Variants in TMEM232 observed in about 807,000 individuals in gnomAD.
TMEM232 encodes the protein transmembrane protein 232.
A neutral mutation model predicts 78.8 loss-of-function variants in TMEM232; 80 were observed. That is an observed-to-expected ratio of 1.01 (90% CI 0.85 to 1.22). TMEM232 has a LOEUF of 1.22. Among genes scored for constraint, TMEM232 ranks in the 50% most tolerant of loss-of-function variants. TMEM232 has a pLI of 0.00. For synonymous variants in TMEM232, 297 were observed against 254.3 expected (o/e 1.17, Z -1.60); for missense variants, 881 against 742.2 (o/e 1.19, Z -2.17).
At chr5:110,423,119 G>A (rs1756851463) in intron 13 of TMEM232, among the ~76,000 whole-genome samples, 1 of 152,094 alleles carries the variant, frequency 6.6e-6, no homozygotes, top group Admixed American at 6.5e-5. Flanking sequence ...TGTAGCTGAG[G>A]GGATGTGTTT....
In TMEM232 at chr5:110,568,543, T is replaced by C; in HGVS notation, c.1359A>G (p.Glu453=). 1 of 1,549,866 alleles carries C rather than the reference T, an allele frequency of 6.5e-7. No individual in the cohort carries two copies. The highest frequency in any genetic ancestry group is 1.7e-4 in the Middle Eastern group (1 of 5,974). The change falls in exon 11 of 14, where the codon GAA becomes GAG. Residue 453 remains glutamate, a synonymous_variant. Coordinates refer to ENST00000455884, the MANE Select transcript of TMEM232 (RefSeq NM_001039763.4). ...KISWELQGDE[E]QDGLRNMIWQ... ...ATATCATGTTTCTAAGTCCATCCTG[T>C]TCTTCGTCTCCTTGAAGTTCCCATG... is the stretch of plus-strand genomic sequence containing the variant.
intron 10 of TMEM232, among the ~76,000 whole-genome samples, chr5:110,584,171 T>C (rs1322778135): frequency 3.3e-5 from 5 of 151,958 alleles, no homozygotes; most frequent in Admixed American, 3.3e-4. Flanking sequence ...GGAATTAAAA[T>C]CAGGATCTCA....
At chr5:110,542,607 G>A (rs540232597) in intron 11 of TMEM232, among the ~76,000 whole-genome samples, 2 of 152,076 alleles carry the variant, frequency 1.3e-5, no homozygotes, top group South Asian at 2.1e-4. Flanking sequence ...AAAGACCATC[G>A]GTCCTTCTGC....
Position 110,433,477 on chromosome 5 carries a change from C to T in TMEM232, c.1704-8561G>A, listed in dbSNP as rs1474279340. On this transcript the variant is annotated intron_variant, in intron 12 of 13. Coordinates refer to ENST00000455884, the MANE Select transcript of TMEM232 (RefSeq NM_001039763.4). ...CAAAAACTCAGGGATGCATCAAAAA[C>T]AGGAAAGTTTATATTGCTAAATGCC... 2.6e-5 allele frequency among the ~76,000 whole-genome samples: 4 copies of T among 151,634 alleles called. No homozygotes were observed. In the East Asian group the frequency reaches 7.7e-4, roughly 29 times the overall value.
intron 1 of TMEM232, among the ~76,000 whole-genome samples, chr5:110,683,525 A>G (rs1351527691): frequency 6.6e-6 from 1 of 151,940 alleles, no homozygotes; most frequent in Admixed American, 6.6e-5. Flanking sequence ...ACGCTTAAAC[A>G]AAAACTGCTT....
At chr5:110,491,606 A>T (rs1223514101) in intron 12 of TMEM232, among the ~76,000 whole-genome samples, 1 of 152,076 alleles carries the variant, frequency 6.6e-6, no homozygotes. Context: ...GTTTTAATAT[A>T]CTAAAAAAGT....
chr5:110,395,898 G>A (rs1049385929), intron 3 of TMEM232, among the ~76,000 whole-genome samples: 2 of 152,016 alleles, frequency 1.3e-5, no homozygotes, highest in African/African-American at 4.8e-5. Flanking sequence ...GAGAGATCTC[G>A]AACTGATGCA....
chr5:110,417,792 T>C (rs1756298770), downstream of TMEM232: 2 of 152,132 alleles, frequency 1.3e-5, no homozygotes, highest in African/African-American at 4.8e-5. Context: ...CACCCTTGTT[T>C]TCTCTGCTTT....
Position 110,712,611 on chromosome 5 carries a change from T to C in TMEM232, c.-13+14016A>G, listed in dbSNP as rs567079443. 2.6e-5 allele frequency among the ~76,000 whole-genome samples: 4 copies of C among 152,270 alleles called. No homozygotes were observed. In the South Asian group the frequency reaches 6.2e-4, roughly 24 times the overall value. ...AAAAGTCCCTGACCACCGATCAAAATGGAAAGAACGTCCCCTTTGTTTCAC... is the reference window on the plus strand; with the variant it reads ...AAAAGTCCCTGACCACCGATCAAAACGGAAAGAACGTCCCCTTTGTTTCAC... On this transcript the variant is annotated intron_variant, in intron 1 of 13. Coordinates refer to ENST00000455884, the MANE Select transcript of TMEM232 (RefSeq NM_001039763.4).
intron 12 of TMEM232, among the ~76,000 whole-genome samples, chr5:110,436,168 T>C (rs1163636700): frequency 1.3e-5 from 2 of 152,022 alleles, no homozygotes; most frequent in African/African-American, 4.8e-5. Context: ...AGTGAAGGGA[T>C]ATCTCGTTGT....
intron 12 of TMEM232, among the ~76,000 whole-genome samples, chr5:110,511,311 G>A (rs1239094688): frequency 6.6e-6 from 1 of 152,070 alleles, no homozygotes; most frequent in Non-Finnish European, 1.5e-5. Context: ...GGAGTAAGGA[G>A]AGGGATAGCA....
chr5:110,411,096 C>T (rs1269127208), intron 2 of TMEM232, among the ~76,000 whole-genome samples: 1 of 152,112 alleles, frequency 6.6e-6, no homozygotes, highest in Non-Finnish European at 1.5e-5. Flanking sequence ...AATATCCCTG[C>T]ACCATGACGA....
In TMEM232 at chr5:110,672,557, C is replaced by A. The variant is rs78867035; in HGVS notation, c.-12-5193G>T. Among the ~76,000 whole-genome samples the A allele has an allele frequency of 9.0e-3, 1,367 of 152,054 alleles. 19 individuals carry two copies. The highest frequency in any genetic ancestry group is 0.031 in the African/African-American group (1,291 of 41,476). ...ATGGGAAAAAATAGCCAAACAACTT[C>A]AAATTTCCAAAAAGAAAAAGAAAAT... On this transcript the variant is annotated intron_variant, in intron 1 of 13. Transcript: ENST00000455884.
At chr5:110,605,509 CATAAAATACAGTT>C (rs1781439212) in intron 9 of TMEM232, among the ~76,000 whole-genome samples, 151 bp from the exon 10 acceptor site, 1 of 152,018 alleles carries the variant, frequency 6.6e-6, no homozygotes, top group African/African-American at 2.4e-5. Flanking sequence ...GAGTAGACTG[CATAAAATACAGTT>C]CAAAGAATAA....
intron 12 of TMEM232, among the ~76,000 whole-genome samples, chr5:110,524,260 CAA>C (rs111668182): frequency 4.2e-4 from 25 of 59,500 alleles, no homozygotes; most frequent in African/African-American, 7.2e-4. Flanking sequence ...GACTCAGTCT[CAA>C]AAAAAAAAAA....
intron 1 of TMEM232, among the ~76,000 whole-genome samples, chr5:110,722,218 C>A (rs983800377): frequency 6.6e-6 from 1 of 152,088 alleles, no homozygotes; most frequent in African/African-American, 2.4e-5. Context: ...AAAGGCTTGG[C>A]TGTTGTATTA....
intron 2 of TMEM232, among the ~76,000 whole-genome samples, chr5:110,645,515 C>T (rs1162506781): frequency 2.0e-5 from 3 of 150,026 alleles, no homozygotes; most frequent in African/African-American, 7.3e-5. Flanking sequence ...GTTTAACTTC[C>T]ATTCATGATT....
intron 11 of TMEM232, among the ~76,000 whole-genome samples, chr5:110,538,541 G>A (rs1295495243): frequency 2.0e-5 from 3 of 152,170 alleles, no homozygotes; most frequent in Admixed American, 2.0e-4. Context: ...AGAACAATGA[G>A]CATTGGGCAA....
chr5:110,627,681 T>C, intron 6 of TMEM232, 100 bp downstream of exon 6: 1 of 870,822 alleles, frequency 1.1e-6, no homozygotes, highest in Non-Finnish European at 1.7e-6. Flanking sequence ...TTATCTTTTA[T>C]GAAAAATAAA....
Sources: gnomAD v4.1 joint callset for allele counts (sites outside exome capture counted in the v4.1 genomes callset) on GRCh38, gnomAD v4.1.1 for gene constraint, MANE v1.5 for transcripts, NCBI Gene and HGNC (gene_info 2026-07-23, HGNC 2026-07-21) for gene names.